SLC9A9: variants seen among roughly 807,000 people sequenced by gnomAD.
SLC9A9 encodes the protein sodium/hydrogen exchanger 9.
Under a neutral mutation model 77.8 loss-of-function variants are expected in SLC9A9, and 62 were observed. The ratio of observed to expected loss-of-function variants is 0.80; its 90% CI spans 0.65 to 0.98. The LOEUF is 0.98. SLC9A9 is among the 50% of genes least tolerant of loss of function. SLC9A9 has a pLI of 0.00. For synonymous variants in SLC9A9, 320 were observed against 283.5 expected (o/e 1.13, Z -1.29); for missense variants, 775 against 774.9 (o/e 1.00, Z 0.00).
chr3:143,561,974 T>C (rs1438055794), intron 8 of SLC9A9, among the ~76,000 whole-genome samples: 1 of 152,224 alleles, frequency 6.6e-6, no homozygotes, highest in East Asian at 1.9e-4. Context: ...GATATGTGCT[T>C]GCTATTCCTA....
intron 14 of SLC9A9, among the ~76,000 whole-genome samples, chr3:143,358,006 A>T (rs2032640979): frequency 7.1e-6 from 1 of 141,664 alleles, no homozygotes; most frequent in Non-Finnish European, 1.5e-5. Flanking sequence ...AAGTTTTAGG[A>T]GGGGAAGGTT....
At chr3:143,729,052 C>G (rs1934737138) in intron 4 of SLC9A9, among the ~76,000 whole-genome samples, 1 of 152,120 alleles carries the variant, frequency 6.6e-6, no homozygotes, top group Non-Finnish European at 1.5e-5. Context: ...TGCCAACACC[C>G]AGTTATCCTA....
chr3:143,624,689 C>T (rs887588622), intron 6 of SLC9A9, among the ~76,000 whole-genome samples: 5 of 152,124 alleles, frequency 3.3e-5, no homozygotes, highest in African/African-American at 1.2e-4. Flanking sequence ...GGAAGCATTC[C>T]CTCTGAAAAC....
At chr3:143,525,034 A>G (rs1293771138) in intron 9 of SLC9A9, among the ~76,000 whole-genome samples, 1 of 152,222 alleles carries the variant, frequency 6.6e-6, no homozygotes, top group African/African-American at 2.4e-5. Flanking sequence ...AGTCTCAAGT[A>G]TTCTGTTATT....
chr3:143,704,239 C>G (rs1028939444), intron 4 of SLC9A9, among the ~76,000 whole-genome samples: 1 of 152,114 alleles, frequency 6.6e-6, no homozygotes, highest in Non-Finnish European at 1.5e-5. Flanking sequence ...CCAGTATTAT[C>G]CTCATAACAA....
intron 5 of SLC9A9, among the ~76,000 whole-genome samples, chr3:143,684,710 C>T (rs1933205158): frequency 6.6e-6 from 1 of 152,008 alleles, no homozygotes; most frequent in African/African-American, 2.4e-5. Flanking sequence ...AAGTCAGAGG[C>T]TACAGTATTT....
At chr3:143,460,688 T>C (rs982174647) in intron 12 of SLC9A9, among the ~76,000 whole-genome samples, 5 of 152,308 alleles carry the variant, frequency 3.3e-5, no homozygotes, top group South Asian at 2.1e-4. Context: ...CTGTTATCTC[T>C]GGACCTGAGA....
At chr3:143,777,746 G>A (rs975156740) in intron 4 of SLC9A9, among the ~76,000 whole-genome samples, 9 of 140,214 alleles carry the variant, frequency 6.4e-5, no homozygotes, top group African/African-American at 2.5e-4. Flanking sequence ...GCAGAGTCTC[G>A]CTCTGTCACC....
chr3:143,570,839 AT>A (rs937331652), intron 8 of SLC9A9, among the ~76,000 whole-genome samples: 1 of 152,184 alleles, frequency 6.6e-6, no homozygotes, highest in Non-Finnish European at 1.5e-5. Context: ...AATATTAACA[AT>A]TGTTATTAAC....
chr3:143,662,628 C>G (rs1334741515), intron 5 of SLC9A9, among the ~76,000 whole-genome samples: 8 of 152,038 alleles, frequency 5.3e-5, no homozygotes, highest in African/African-American at 1.9e-4. Context: ...AAGGTCTTAG[C>G]AAACGGTACT....
intron 6 of SLC9A9, among the ~76,000 whole-genome samples, chr3:143,602,382 T>C (rs570884734): frequency 6.6e-6 from 1 of 152,286 alleles, no homozygotes; most frequent in East Asian, 1.9e-4. Flanking sequence ...TGGGTGAACG[T>C]CCACCTCTTA....
rs1403866678 is a variant in SLC9A9, at chr3:143,822,409, G to A, written c.378+9610C>T. 5.3e-5 allele frequency among the ~76,000 whole-genome samples: 8 copies of A among 152,174 alleles called. 1 individual carries two copies. The highest frequency in any genetic ancestry group is 4.6e-4 in the Admixed American group (7 of 15,280). ...CACACCCCAACCTGGGGCAGAACTC[G>A]ATAAATCAGAGCCCACTTAGTCCTG... On this transcript the variant is annotated intron_variant, in intron 2 of 15. Transcript: ENST00000316549.
intron 14 of SLC9A9, among the ~76,000 whole-genome samples, chr3:143,357,178 GTTA>G (rs2032616473): frequency 6.8e-6 from 1 of 146,960 alleles, no homozygotes; most frequent in Non-Finnish European, 1.5e-5. Context: ...TACTTGTGGA[GTTA>G]TCTTTACATT....
chr3:143,382,211 T>G, intron 12 of SLC9A9, 97 bp from the exon 13 acceptor site: 1 of 1,299,736 alleles, frequency 7.7e-7, no homozygotes, highest in East Asian at 2.3e-5. Context: ...AATGTGAATC[T>G]GAGAAAAGAT....
At chr3:143,691,840 T>A (rs1295161087) in intron 5 of SLC9A9, among the ~76,000 whole-genome samples, 1 of 152,112 alleles carries the variant, frequency 6.6e-6, no homozygotes, top group East Asian at 1.9e-4. Flanking sequence ...ATAACATGAT[T>A]CCCCATGGTA....
intron 14 of SLC9A9, among the ~76,000 whole-genome samples, chr3:143,324,086 A>G (rs915156547): frequency 6.6e-6 from 1 of 152,052 alleles, no homozygotes; most frequent in Non-Finnish European, 1.5e-5. Context: ...GAGAAGAGGC[A>G]GCTGCTTTTC....
chr3:143,278,339 C>CA (rs540900251), intron 14 of SLC9A9, among the ~76,000 whole-genome samples: 23 of 152,172 alleles, frequency 1.5e-4, no homozygotes, highest in Non-Finnish European at 2.8e-4. Flanking sequence ...CCAAAGTCTT[C>CA]AAAGCTTTAT....
At chr3:143,725,258 A>G (rs887676173) in intron 4 of SLC9A9, among the ~76,000 whole-genome samples, 5 of 152,180 alleles carry the variant, frequency 3.3e-5, no homozygotes, top group South Asian at 4.1e-4. Flanking sequence ...AAGGATGTGG[A>G]GAAATAGGAA....
chr3:143,653,131 A>T (rs1385026583), intron 5 of SLC9A9, among the ~76,000 whole-genome samples: 1 of 152,224 alleles, frequency 6.6e-6, no homozygotes, highest in Non-Finnish European at 1.5e-5. Flanking sequence ...CCTGAGTCTC[A>T]TTCTGTCCTG....
Sources: allele counts gnomAD v4.1 joint callset (sites outside exome capture counted in the v4.1 genomes callset), GRCh38; gene constraint gnomAD v4.1.1; transcripts MANE v1.5; gene names NCBI Gene and HGNC (gene_info 2026-07-23, HGNC 2026-07-21).